Variants in SPTLC1 observed in about 807,000 individuals in gnomAD.
The protein encoded by SPTLC1 is serine palmitoyltransferase long chain base subunit 1, also known as serine palmitoyltransferase 1.
A neutral mutation model predicts 68.9 loss-of-function variants in SPTLC1; 55 were observed. The observed-to-expected ratio is 0.80, with a 90% CI of 0.64 to 1.00. The LOEUF is 1.00. SPTLC1 is among the 50% of genes least tolerant of loss of function. The pLI is 0.00. For missense variants in SPTLC1, 449 were observed against 573.1 expected, an observed-to-expected ratio of 0.78 and a Z score of 2.21; for synonymous variants, 197 against 201.6, an observed-to-expected ratio of 0.98 and a Z score of 0.19.
At position 92,109,253 on chromosome 9, in the gene SPTLC1, T is replaced by C; in HGVS notation, c.166-419A>G. 2 of 202,790 alleles carry C rather than the reference T, an allele frequency of 9.9e-6. 1 individual carries two copies. Among genetic ancestry groups the C allele is most frequent in the Non-Finnish European group, 2.1e-5 (2 of 96,134 alleles). The allele number at this position is 202,790 out of a possible 1,614,324, so 12.6% of individuals were successfully genotyped here. On this transcript the variant is annotated intron_variant, in intron 2 of 14. Transcript: ENST00000262554. ...AGCAATTGTCCAAAAAGGCCTCCGA[T>C]ACAGGATGCTCCTATTATCTCAGAA...
intron 3 of SPTLC1, among the ~76,000 whole-genome samples, chr9:92,082,317 G>A (rs1834915818): frequency 6.6e-6 from 1 of 151,784 alleles, no homozygotes; most frequent in South Asian, 2.1e-4. Context: ...CTATACATGT[G>A]ACATGCTGGT....
At chr9:92,079,551 A>G in intron 5 of SPTLC1, 1 of 1,613,600 alleles carries the variant, frequency 6.2e-7, no homozygotes, top group Non-Finnish European at 8.5e-7. Flanking sequence ...GAAATCAATG[A>G]TCCTTCATCT....
chr9:92,113,704 CAG>C (rs1157132899), intron 1 of SPTLC1, among the ~76,000 whole-genome samples: 3 of 152,326 alleles, frequency 2.0e-5, no homozygotes, highest in Non-Finnish European at 4.4e-5. Flanking sequence ...GAGCATAAGA[CAG>C]AGCCACATCT....
At chr9:92,108,586 A>G in intron 3 of SPTLC1, 154 bp downstream of exon 3, 2 of 972,688 alleles carry the variant, frequency 2.1e-6, no homozygotes, top group Non-Finnish European at 3.0e-6. Flanking sequence ...CCTAGAATAA[A>G]TTTTTTAAAA....
intron 5 of SPTLC1, chr9:92,079,412 A>C (rs1834798713): frequency 6.4e-7 from 1 of 1,556,706 alleles, no homozygotes; most frequent in African/African-American, 1.4e-5. Flanking sequence ...GGAGCAAAGA[A>C]TATACACTTA....
chr9:92,095,099 AAAAG>A (rs1486982492), intron 3 of SPTLC1, among the ~76,000 whole-genome samples: 1 of 151,160 alleles, frequency 6.6e-6, no homozygotes, highest in African/African-American at 2.5e-5. Context: ...TTCGCTAATC[AAAAG>A]AAAGACTGGG....
In SPTLC1 at chr9:92,093,092, T is replaced by C. The variant is rs564920205; in HGVS notation, c.261-12129A>G. On this transcript the variant is annotated intron_variant, in intron 3 of 14. Coordinates refer to ENST00000262554, the MANE Select transcript of SPTLC1 (RefSeq NM_006415.4). Reference sequence around the variant, plus strand: ...ACTAGAAAAGATTAAAAATGTAAATTAAGTGTTCAACTAAGTTAGAAAAAG... The same window carrying C: ...ACTAGAAAAGATTAAAAATGTAAATCAAGTGTTCAACTAAGTTAGAAAAAG... 9.2e-5 allele frequency among the ~76,000 whole-genome samples: 14 copies of C among 152,228 alleles called. No individual in the cohort carries two copies. In the South Asian group the frequency reaches 2.7e-3, roughly 29 times the overall value.
rs1193375685 is a variant in SPTLC1, at chr9:92,104,498, C to A, written c.260+4242G>T. ...CTGCCTCCTGTGGTCTGGAGCCCCC[C>A]CCTCAAGGAAGAAACCCGTGCTGTC... On this transcript the variant is annotated intron_variant, in intron 3 of 14. Coordinates refer to ENST00000262554, the MANE Select transcript of SPTLC1 (RefSeq NM_006415.4). 7 of 1,417,094 alleles carry A rather than the reference C, an allele frequency of 4.9e-6. No individual in the cohort carries two copies. In the South Asian group the frequency reaches 5.1e-5, roughly 10 times the overall value. 87.8% of individuals were successfully genotyped at this position (1,417,094 alleles called of 1,614,324 possible). A position where few individuals can be genotyped will look rare whatever the true frequency, so the allele number is the denominator to read the frequency against.
intron 3 of SPTLC1, among the ~76,000 whole-genome samples, chr9:92,082,453 G>T (rs1587956831): frequency 7.3e-6 from 1 of 137,484 alleles, no homozygotes; most frequent in Non-Finnish European, 1.5e-5. Flanking sequence ...TGTGTTCTCA[G>T]TGTTCAATTC....
intron 5 of SPTLC1, among the ~76,000 whole-genome samples, chr9:92,068,910 T>C (rs984881843): frequency 6.6e-6 from 1 of 152,016 alleles, no homozygotes; most frequent in Admixed American, 6.6e-5. Flanking sequence ...AAATGAGACA[T>C]TATCAAGGAG....
At chr9:92,098,524 GCAAA>G (rs1163585990) in intron 3 of SPTLC1, among the ~76,000 whole-genome samples, 1 of 151,836 alleles carries the variant, frequency 6.6e-6, no homozygotes, top group Non-Finnish European at 1.5e-5. Flanking sequence ...TGTAGTTTCT[GCAAA>G]CAATTTACAT....
chr9:92,066,277 T>C (rs1335926482), intron 6 of SPTLC1, among the ~76,000 whole-genome samples: 3 of 152,054 alleles, frequency 2.0e-5, no homozygotes, highest in Non-Finnish European at 4.4e-5. Context: ...AGAAGCAGGG[T>C]GACCTTGACA....
intron 5 of SPTLC1, among the ~76,000 whole-genome samples, chr9:92,072,427 A>G (rs1057312232): frequency 1.3e-5 from 2 of 152,118 alleles, no homozygotes. Flanking sequence ...GTGTTTGGTG[A>G]ATGCCAGGGA....
At chr9:92,051,392 A>C in intron 8 of SPTLC1, 1 of 427,304 alleles carries the variant, frequency 2.3e-6, no homozygotes, top group Non-Finnish European at 3.1e-6. Flanking sequence ...ATCCCAATAA[A>C]TGCAGAAAAA....
intron 3 of SPTLC1, among the ~76,000 whole-genome samples, chr9:92,088,102 G>T (rs935471254): frequency 6.6e-6 from 1 of 152,274 alleles, no homozygotes. Context: ...TGTCGGAAAA[G>T]CGCAGTATTA....
intron 3 of SPTLC1, among the ~76,000 whole-genome samples, chr9:92,086,706 T>C (rs1835148851): frequency 6.6e-6 from 1 of 151,768 alleles, no homozygotes; most frequent in African/African-American, 2.4e-5. Context: ...TTGGTGAATC[T>C]GACAATTATG....
intron 14 of SPTLC1, among the ~76,000 whole-genome samples, chr9:92,033,522 G>A (rs752998670): frequency 2.6e-5 from 4 of 152,156 alleles, no homozygotes; most frequent in African/African-American, 4.8e-5. Context: ...ATGCACCTAC[G>A]GTCTTACTAA....
chr9:92,048,184 T>C (rs536030887), intron 9 of SPTLC1, among the ~76,000 whole-genome samples: 3 of 152,210 alleles, frequency 2.0e-5, no homozygotes, highest in Non-Finnish European at 4.4e-5. Flanking sequence ...CCAAACGTCA[T>C]GGCGATGGAA....
intron 9 of SPTLC1, among the ~76,000 whole-genome samples, chr9:92,048,094 T>C (rs1245990518): frequency 6.6e-6 from 1 of 152,214 alleles, no homozygotes; most frequent in African/African-American, 2.4e-5. Context: ...TGCACTGAGA[T>C]AAATAAAAAG....
Sources: gnomAD v4.1 joint callset for allele counts (sites outside exome capture counted in the v4.1 genomes callset) on GRCh38, gnomAD v4.1.1 for gene constraint, MANE v1.5 for transcripts, NCBI Gene and HGNC (gene_info 2026-07-23, HGNC 2026-07-21) for gene names.